MARCHF1: variants seen among roughly 807,000 people sequenced by gnomAD.
MARCHF1 encodes membrane associated ring-CH-type finger 1.
A neutral mutation model predicts 54.2 loss-of-function variants in MARCHF1; 40 were observed. That is an observed-to-expected ratio of 0.74 (90% CI 0.57 to 0.96). The LOEUF is 0.96. MARCHF1 is among the 40% of genes least tolerant of loss of function. MARCHF1 has a pLI of 0.00. For missense variants in MARCHF1, 586 were observed against 656.5 expected (o/e 0.89, Z 1.17); for synonymous variants, 236 against 236.3 (o/e 1.00, Z 0.01).
At chr4:164,191,023 C>G (rs1465386425) in intron 1 of MARCHF1, among the ~76,000 whole-genome samples, 1 of 152,178 alleles carries the variant, frequency 6.6e-6, no homozygotes, top group Non-Finnish European at 1.5e-5. Flanking sequence ...CAATGGTCAG[C>G]TGACCTCAGG....
chr4:164,177,236 A>G (rs543520779), intron 1 of MARCHF1, among the ~76,000 whole-genome samples: 128 of 151,902 alleles, frequency 8.4e-4, no homozygotes, highest in African/African-American at 3.0e-3. Flanking sequence ...TGACCAAGTG[A>G]TTTGATCAAT....
rs1738049186 is a variant in MARCHF1, at chr4:163,525,052, ATCTT to A, written c.*3692_*3695del. The A allele has an allele frequency of 6.6e-6, 1 of 152,160 alleles. No homozygotes were observed. The highest frequency in any genetic ancestry group is 1.5e-5 in the Non-Finnish European group (1 of 68,010). 9.4% of individuals were successfully genotyped at this position (152,160 alleles called of 1,614,324 possible). ...GACTTAGGAAAGAAAAAAGGTTTTC[ATCTT>A]TCTTAATTAAAGTATTATATAACAA... On this transcript the variant is annotated 3_prime_UTR_variant, in exon 10 of 10. Transcript: ENST00000514618.
chr4:163,717,402 G>A (rs1745298895), intron 4 of MARCHF1, among the ~76,000 whole-genome samples: 2 of 151,880 alleles, frequency 1.3e-5, no homozygotes, highest in South Asian at 2.1e-4. Flanking sequence ...ATCATTGTTG[G>A]ACATTTGGGT....
chr4:163,635,876 C>T (rs1283364268), intron 5 of MARCHF1, among the ~76,000 whole-genome samples: 1 of 152,152 alleles, frequency 6.6e-6, no homozygotes, highest in East Asian at 1.9e-4. Context: ...TCCAGCAGCA[C>T]ATCAAAAAGC....
At chr4:164,202,145 G>A (rs1040784108) in intron 1 of MARCHF1, among the ~76,000 whole-genome samples, 19 of 152,178 alleles carry the variant, frequency 1.2e-4, no homozygotes, top group African/African-American at 4.1e-4. Context: ...GTTTCAGTAC[G>A]GGAGCCAAGA....
At chr4:164,182,031 AT>A (rs1730846115) in intron 1 of MARCHF1, among the ~76,000 whole-genome samples, 1 of 152,094 alleles carries the variant, frequency 6.6e-6, no homozygotes, top group African/African-American at 2.4e-5. Flanking sequence ...GTAAAAGGTA[AT>A]TTTTTCTCTT....
chr4:163,944,408 AC>A (rs1274445155), intron 3 of MARCHF1, among the ~76,000 whole-genome samples: 2 of 152,110 alleles, frequency 1.3e-5, no homozygotes, highest in African/African-American at 2.4e-5. Flanking sequence ...CTGATGTCAC[AC>A]CTTTTGTGGG....
At chr4:163,851,070 T>C (rs948496706) in intron 4 of MARCHF1, among the ~76,000 whole-genome samples, 1 of 152,060 alleles carries the variant, frequency 6.6e-6, no homozygotes, top group Non-Finnish European at 1.5e-5. Flanking sequence ...ACCCCATGAT[T>C]CCGGAATATA....
intron 5 of MARCHF1, among the ~76,000 whole-genome samples, chr4:163,667,486 CACATTT>C (rs1459871778): frequency 6.6e-6 from 1 of 152,052 alleles, no homozygotes; most frequent in Non-Finnish European, 1.5e-5. Context: ...TCAAAATAAA[CACATTT>C]ATTTTCCATA....
At chr4:164,376,151 C>T (rs1205848393) in intron 1 of MARCHF1, among the ~76,000 whole-genome samples, 3 of 152,136 alleles carry the variant, frequency 2.0e-5, no homozygotes, top group Non-Finnish European at 4.4e-5. Flanking sequence ...ATAGAGTAGA[C>T]TGCCAATAAC....
chr4:163,889,550 A>G (rs1010817239), intron 3 of MARCHF1, among the ~76,000 whole-genome samples: 2 of 151,970 alleles, frequency 1.3e-5, no homozygotes, highest in Non-Finnish European at 2.9e-5. Context: ...TATATCTTAC[A>G]TGGGGGGAGA....
intron 8 of MARCHF1, among the ~76,000 whole-genome samples, chr4:163,551,890 C>CATT (rs1442019535): frequency 6.6e-6 from 1 of 152,088 alleles, no homozygotes; most frequent in African/African-American, 2.4e-5. Context: ...ACTATGAGTC[C>CATT]ATTAAACCTC....
chr4:164,290,263 A>G (rs969718470), intron 1 of MARCHF1, among the ~76,000 whole-genome samples: 1 of 152,014 alleles, frequency 6.6e-6, no homozygotes, highest in African/African-American at 2.4e-5. Flanking sequence ...TGAATGGATG[A>G]TTAGTGATGT....
chr4:164,008,341 T>C (rs756186314), intron 2 of MARCHF1, among the ~76,000 whole-genome samples: 3 of 151,966 alleles, frequency 2.0e-5, no homozygotes, highest in African/African-American at 7.2e-5. Context: ...AAAGTAAACA[T>C]GAACAGATCT....
intron 1 of MARCHF1, among the ~76,000 whole-genome samples, chr4:164,184,326 C>A (rs911321258): frequency 6.6e-6 from 1 of 152,148 alleles, no homozygotes; most frequent in African/African-American, 2.4e-5. Context: ...CAGTATCTCC[C>A]TCAAATATTA....
At chr4:164,201,448 T>C (rs1487576994) in intron 1 of MARCHF1, among the ~76,000 whole-genome samples, 1 of 152,086 alleles carries the variant, frequency 6.6e-6, no homozygotes, top group Non-Finnish European at 1.5e-5. Context: ...TCTCCATCTC[T>C]TGACCTCGTG....
chr4:164,363,298 T>TA (rs1321827066), intron 1 of MARCHF1, among the ~76,000 whole-genome samples: 2 of 152,172 alleles, frequency 1.3e-5, no homozygotes, highest in African/African-American at 4.8e-5. Flanking sequence ...TTTCAATATT[T>TA]AACAGTTTAA....
At chr4:164,216,955 G>A (rs1022712198) in intron 1 of MARCHF1, among the ~76,000 whole-genome samples, 10 of 152,068 alleles carry the variant, frequency 6.6e-5, no homozygotes, top group African/African-American at 2.2e-4. Flanking sequence ...TAAATAATCC[G>A]GGAAAGTAGG....
Position 163,528,121 on chromosome 4 carries a change from G to A in MARCHF1, c.*627C>T, listed in dbSNP as rs6816526. ...AATCTTTTGCGTGACTTAAACAAACGTAATTAATTCCAAATATCAATGTCT... is the reference window on the plus strand; with the variant it reads ...AATCTTTTGCGTGACTTAAACAAACATAATTAATTCCAAATATCAATGTCT... On this transcript the variant is annotated 3_prime_UTR_variant, in exon 10 of 10. Coordinates refer to ENST00000514618, the MANE Select transcript of MARCHF1 (RefSeq NM_001394959.1). 0.53 allele frequency: 80,499 copies of A among 152,120 alleles called. 21,854 individuals carry two copies. Among genetic ancestry groups the A allele is most frequent in the Admixed American group, 0.67 (10,171 of 15,218 alleles). The allele number at this position is 152,120 out of a possible 1,614,324, so 9.4% of individuals were successfully genotyped here.
Sources: allele counts gnomAD v4.1 joint callset (sites outside exome capture counted in the v4.1 genomes callset), GRCh38; gene constraint gnomAD v4.1.1; transcripts MANE v1.5; gene names NCBI Gene and HGNC (gene_info 2026-07-23, HGNC 2026-07-21).